DNAAF4: variants seen among roughly 807,000 people sequenced by gnomAD.
The protein encoded by DNAAF4 is dynein axonemal assembly factor 4.
A neutral mutation model predicts 51.8 loss-of-function variants in DNAAF4; 43 were observed. That is an observed-to-expected ratio of 0.83 (90% CI 0.65 to 1.07). DNAAF4 has a LOEUF of 1.07. Among genes scored for constraint, DNAAF4 ranks in the 50% least tolerant of loss-of-function variants. The pLI, the probability that DNAAF4 is intolerant of heterozygous loss-of-function variation, is 0.00. For missense variants in DNAAF4, 581 were observed against 493.0 expected (o/e 1.18, Z -1.69); for synonymous variants, 194 against 165.6 (o/e 1.17, Z -1.32).
At chr15:55,432,072 T>A (rs983865224) in intron 9 of DNAAF4, among the ~76,000 whole-genome samples, 4 of 151,910 alleles carry the variant, frequency 2.6e-5, no homozygotes, top group African/African-American at 9.7e-5. Flanking sequence ...TCTCCTGCCT[T>A]AGCCTCCCAA....
At chr15:55,495,812 G>A (rs183240743) in intron 3 of DNAAF4, among the ~76,000 whole-genome samples, 4 of 152,276 alleles carry the variant, frequency 2.6e-5, no homozygotes, top group Admixed American at 1.3e-4. Flanking sequence ...AACTAAAGAA[G>A]GAAGGAGGAA....
chr15:55,418,372 G>T (rs1389187828), intron 7 of DNAAF4: 3 of 1,536,888 alleles, frequency 2.0e-6, no homozygotes, highest in Non-Finnish European at 2.6e-6. Context: ...AACCTCAAAT[G>T]ATTATGTATA....
intron 6 of DNAAF4, among the ~76,000 whole-genome samples, chr15:55,443,629 TC>T (rs1345612694): frequency 6.6e-6 from 1 of 152,234 alleles, no homozygotes; most frequent in Non-Finnish European, 1.5e-5. Context: ...CACACTGTCT[TC>T]CACAATGGTT....
At chr15:55,499,403 G>A (rs941076377) in intron 1 of DNAAF4, among the ~76,000 whole-genome samples, 3 of 152,138 alleles carry the variant, frequency 2.0e-5, no homozygotes, top group Non-Finnish European at 4.4e-5. Context: ...ACCTGACTGG[G>A]AACCTGGGCA....
At chr15:55,465,711 T>A (rs1443250911) in intron 5 of DNAAF4, among the ~76,000 whole-genome samples, 1 of 151,964 alleles carries the variant, frequency 6.6e-6, no homozygotes. Context: ...GGATTACAGA[T>A]ATGTGCCACC....
chr15:55,478,161 G>A (rs1201617219), intron 4 of DNAAF4, among the ~76,000 whole-genome samples: 3 of 152,122 alleles, frequency 2.0e-5, no homozygotes, highest in African/African-American at 4.8e-5. Flanking sequence ...GTTTCTTTTT[G>A]ATTCAGGGGC....
rs2058183277 is a variant in DNAAF4, at chr15:55,467,215, T to C, written c.406-54A>G. ...TAAAATACATAAAAGCAACATTTAT[T>C]TAAATGAGAAATTCATTACAATAAT... On this transcript the variant is annotated intron_variant, in intron 4 of 9. Coordinates refer to ENST00000321149, the MANE Select transcript of DNAAF4 (RefSeq NM_130810.4). The C allele has an allele frequency of 2.9e-6, 4 of 1,375,286 alleles. No individual in the cohort carries two copies. The East Asian group carries it at 9.4e-5, about 32-fold the overall frequency. The allele number at this position is 1,375,286 out of a possible 1,614,324, so 85.2% of individuals were successfully genotyped here.
In DNAAF4 at chr15:55,497,717, G is replaced by C; in HGVS notation, c.266C>G (p.Thr89Arg). ...EAAMWETLSVTGVDKEMMQRI... is the reference protein window; with the variant it reads ...EAAMWETLSVRGVDKEMMQRI... ...TCTTTTAATAAAGAACTTACCACCC[G>C]TCACAGAAAGGGTCTCCCACATGGC... is the stretch of plus-strand genomic sequence containing the variant. The change falls in exon 3 of 10, where the codon ACG becomes AGG. Residue 89 changes from threonine (T) to arginine (R), a missense_variant. Physicochemically the swap from Thr to Arg is moderately conservative, Grantham distance 71 (BLOSUM62 -1). Transcript: ENST00000321149. 6.2e-7 allele frequency: 1 copy of C among 1,603,392 alleles called. No homozygotes were observed. The highest frequency in any genetic ancestry group is 2.2e-5 in the East Asian group (1 of 44,796).
chr15:55,473,319 G>A (rs2927577), intron 4 of DNAAF4, among the ~76,000 whole-genome samples: 122,327 of 130,628 alleles, frequency 0.94, 57,176 homozygotes, highest in East Asian at 0.99. Context: ...GTGTATATAT[G>A]TGTGTATATA....
intron 5 of DNAAF4, among the ~76,000 whole-genome samples, chr15:55,464,537 T>C (rs958935382): frequency 6.6e-6 from 1 of 151,852 alleles, no homozygotes; most frequent in Non-Finnish European, 1.5e-5. Context: ...TGGAAGAAAA[T>C]CTTCACAAAC....
At chr15:55,456,519 C>T (rs1270942287) in intron 5 of DNAAF4, among the ~76,000 whole-genome samples, 1 of 152,114 alleles carries the variant, frequency 6.6e-6, no homozygotes, top group East Asian at 1.9e-4. Flanking sequence ...GCAGCTGCCA[C>T]CTGGATGGAC....
chr15:55,433,904 T>A (rs372744756), intron 8 of DNAAF4, among the ~76,000 whole-genome samples: 11 of 16,318 alleles, frequency 6.7e-4, no homozygotes, highest in East Asian at 5.4e-3. Context: ...ATTATATATA[T>A]TATATATAAT....
At chr15:55,460,175 A>T (rs2141485824) in intron 5 of DNAAF4, among the ~76,000 whole-genome samples, 6 of 143,270 alleles carry the variant, frequency 4.2e-5, no homozygotes, top group East Asian at 2.0e-4. Context: ...TTATTTATTT[A>T]CTTATTTATT....
chr15:55,425,414 A>G (rs2057422123), downstream of DNAAF4, among the ~76,000 whole-genome samples: 1 of 152,072 alleles, frequency 6.6e-6, no homozygotes, highest in African/African-American at 2.4e-5. Context: ...CACCTTCATT[A>G]CCCAACCTAC....
chr15:55,493,871 AT>A (rs879426254), intron 3 of DNAAF4, among the ~76,000 whole-genome samples: 121 of 145,970 alleles, frequency 8.3e-4, no homozygotes, highest in Admixed American at 7.6e-4. Context: ...TGCCCGGCTA[AT>A]TTTTTTTTTT....
downstream of DNAAF4, among the ~76,000 whole-genome samples, chr15:55,426,051 G>C (rs1414346349): frequency 6.6e-6 from 1 of 152,164 alleles, no homozygotes; most frequent in Non-Finnish European, 1.5e-5. Flanking sequence ...CTTGGTGGGT[G>C]GGGGGAAGCC....
intron 6 of DNAAF4, among the ~76,000 whole-genome samples, chr15:55,446,085 A>T (rs1436486152): frequency 7.4e-6 from 1 of 135,864 alleles, no homozygotes; most frequent in Non-Finnish European, 1.6e-5. Flanking sequence ...GCGGCCGGGC[A>T]GAGGCGCTCC....
intron 5 of DNAAF4, among the ~76,000 whole-genome samples, chr15:55,452,364 G>A (rs993423908): frequency 2.0e-5 from 3 of 149,302 alleles, no homozygotes; most frequent in African/African-American, 4.9e-5. Flanking sequence ...TGATTAATAC[G>A]ATATAGAACA....
intron 9 of DNAAF4, among the ~76,000 whole-genome samples, chr15:55,431,191 G>T (rs1387697860): frequency 6.6e-6 from 1 of 152,076 alleles, no homozygotes; most frequent in South Asian, 2.1e-4. Context: ...GGGATTACAG[G>T]TGTGAGCCAC....
Sources: gnomAD v4.1 joint callset for allele counts (sites outside exome capture counted in the v4.1 genomes callset) on GRCh38, gnomAD v4.1.1 for gene constraint, MANE v1.5 for transcripts, NCBI Gene and HGNC (gene_info 2026-07-23, HGNC 2026-07-21) for gene names.